ADCY10: variants seen among roughly 807,000 people sequenced by gnomAD.
ADCY10 encodes the protein adenylate cyclase type 10.
Under a neutral mutation model 183.3 loss-of-function variants are expected in ADCY10, and 156 were observed. That is an observed-to-expected ratio of 0.85 (90% CI 0.75 to 0.97). The LOEUF is 0.97. ADCY10 is among the 50% of genes least tolerant of loss of function. The pLI, the probability that ADCY10 is intolerant of heterozygous loss-of-function variation, is 0.00. For synonymous variants in ADCY10, 645 were observed against 670.0 expected, an observed-to-expected ratio of 0.96 and a Z score of 0.58; for missense variants, 1,745 against 1,934.3, an observed-to-expected ratio of 0.90 and a Z score of 1.84.
intron 1 of ADCY10, among the ~76,000 whole-genome samples, chr1:167,913,468 C>T (rs2102509702): frequency 6.6e-6 from 1 of 152,332 alleles, no homozygotes; most frequent in South Asian, 2.1e-4. Flanking sequence ...CTTGCCTACT[C>T]TAGCCATGGT....
At chr1:167,815,964 T>G (rs1405406428) in intron 31 of ADCY10, among the ~76,000 whole-genome samples, 8 of 151,372 alleles carry the variant, frequency 5.3e-5, no homozygotes, top group Non-Finnish European at 1.5e-5. Flanking sequence ...CCTACAAAAC[T>G]GACAAGCTAA....
At chr1:167,815,806 C>T (rs889866773) in intron 31 of ADCY10, among the ~76,000 whole-genome samples, 6 of 151,970 alleles carry the variant, frequency 3.9e-5, no homozygotes, top group Non-Finnish European at 8.8e-5. Flanking sequence ...GCAATATAAG[C>T]AGAGAGATGG....
rs539465532 is a variant in ADCY10 at position 167,836,872 on chromosome 1, A to C, written c.3078-332T>G. On this transcript the variant is annotated intron_variant, in intron 22 of 32. Transcript: ENST00000367851. ...AATCCCGTCTCTACTAAAAATACAA[A>C]AAATTAGCCGGGTGTGGTGGCAGGC... is the stretch of plus-strand genomic sequence containing the variant. 2.9e-4 allele frequency among the ~76,000 whole-genome samples: 44 copies of C among 152,276 alleles called. No individual in the cohort carries two copies. In the South Asian group the frequency reaches 7.7e-3, roughly 27 times the overall value.
chr1:167,896,625 T>A lies in ADCY10; in HGVS notation c.709A>T (p.Met237Leu), dbSNP rs201531121. The A allele has an allele frequency of 1.9e-5, 30 of 1,613,666 alleles. No homozygotes were observed. The highest frequency in any genetic ancestry group is 1.5e-4 in the Admixed American group (9 of 60,018). Residue 237 changes from methionine to leucine, a missense_variant, in exon 7 of 33, where the codon ATG becomes TTG. Physicochemically the swap from Met to Leu is conservative, Grantham distance 15. Transcript: ENST00000367851. ...DEFFTKCTTF[M>L]HYYPSGEHKN... is the part of the protein sequence containing the mutation. ...TGCTCACCAGAAGGATAATAATGCA[T>A]GAAGGTCGTACACTTTGTGAAAAAT...
At chr1:167,823,641 G>T (rs559855790) in intron 28 of ADCY10, among the ~76,000 whole-genome samples, 1 of 152,224 alleles carries the variant, frequency 6.6e-6, no homozygotes, top group Admixed American at 6.5e-5. Context: ...AAAAGCAGTG[G>T]ATAGGATGAG....
At chr1:167,841,600 C>T (rs946872521) in intron 21 of ADCY10, among the ~76,000 whole-genome samples, 8 of 140,236 alleles carry the variant, frequency 5.7e-5, no homozygotes, top group East Asian at 4.2e-4. Flanking sequence ...CTCAAACTTT[C>T]GGGCTCAAGC....
rs1404978890 is a variant in ADCY10 at position 167,836,419 on chromosome 1, C to A, written c.3199G>T (p.Val1067Phe). ...SCQCEEILEIVILPLAHHFLA... is the reference protein window; with the variant it reads ...SCQCEEILEIFILPLAHHFLA... ...AAATGGTGGGCCAGAGGCAAGATGA[C>A]AATCTCTAGGATTTCTTCACACTGG... The change falls in exon 23 of 33, where the codon GTC (valine) becomes TTC (phenylalanine). Residue 1067 changes from valine (V) to phenylalanine (F), a missense_variant. Coordinates refer to ENST00000367851, the MANE Select transcript of ADCY10 (RefSeq NM_018417.6). The A allele has an allele frequency of 2.5e-6, 4 of 1,614,012 alleles. No individual in the cohort carries two copies. Among genetic ancestry groups the A allele is most frequent in the Non-Finnish European group, 3.4e-6 (4 of 1,179,994 alleles).
chr1:167,818,322 G>A, intron 30 of ADCY10, 55 bp from the exon 31 acceptor site: 3 of 1,517,750 alleles, frequency 2.0e-6, no homozygotes, highest in Non-Finnish European at 1.8e-6. Flanking sequence ...GGAATAGGCT[G>A]GCTTTCTGAA....
chr1:167,880,326 A>G (rs1051176459), intron 10 of ADCY10, 135 bp from the exon 11 acceptor site: 8 of 1,002,752 alleles, frequency 8.0e-6, no homozygotes, highest in Admixed American at 5.8e-5. Context: ...GAATTAGTTT[A>G]TGGCATTTCT....
At chr1:167,883,097 GTGCGATCTCGGCTCAC>G (rs1558229890) in intron 9 of ADCY10, among the ~76,000 whole-genome samples, 1 of 152,254 alleles carries the variant, frequency 6.6e-6, no homozygotes, top group Non-Finnish European at 1.5e-5. Flanking sequence ...GAGCGCAGTG[GTGCGATCTCGGCTCAC>G]TGCAACCTCC....
rs1663139189 is a variant in ADCY10 at position 167,824,580 on chromosome 1, G to A, written c.3956-8C>T. The stretch of plus-strand genomic sequence containing the variant: ...TCTGAAGGGCTCGGGAGCCTGGGAA[G>A]AAAACAATTCCAGTATATTGTGGGG... On this transcript the variant is annotated splice_polypyrimidine_tract_variant and splice_region_variant and intron_variant, in intron 27 of 32. Coordinates refer to ENST00000367851, the MANE Select transcript of ADCY10 (RefSeq NM_018417.6). 6.2e-7 allele frequency: 1 copy of A among 1,614,084 alleles called. No individual in the cohort carries two copies. The highest frequency in any genetic ancestry group is 8.5e-7 in the Non-Finnish European group (1 of 1,180,026).
intron 21 of ADCY10, among the ~76,000 whole-genome samples, chr1:167,843,100 A>T (rs1485528316): frequency 6.6e-6 from 1 of 152,220 alleles, no homozygotes; most frequent in Non-Finnish European, 1.5e-5. Context: ...GGAGGTGCTG[A>T]TGGAAGGGAT....
rs747122406 is a variant in ADCY10 at position 167,829,293 on chromosome 1, C to A, written c.3724G>T (p.Ala1242Ser). The change falls in exon 26 of 33, where the codon GCA becomes TCA. Residue 1242 changes from alanine (A) to serine (S), a missense_variant. Physicochemically the swap from Ala to Ser is moderately conservative, Grantham distance 99. Transcript: ENST00000367851. Reference protein sequence around the residue: ...HLAVMMQMNTALETQNCFQII... With the variant: ...HLAVMMQMNTSLETQNCFQII... ...TGGAAACAATTTTGAGTTTCCAGTG[C>A]AGTATTCATTTGCATCATAACTGCC... The A allele has an allele frequency of 6.2e-7, 1 of 1,614,088 alleles. No homozygotes were observed. Among genetic ancestry groups the A allele is most frequent in the Non-Finnish European group, 8.5e-7 (1 of 1,179,940 alleles).
rs755328364 is a variant in ADCY10, at chr1:167,846,237, T to C, written c.2464A>G (p.Met822Val). The C allele has an allele frequency of 4.3e-6, 7 of 1,614,200 alleles. No homozygotes were observed. The highest frequency in any genetic ancestry group is 2.2e-5 in the South Asian group (2 of 91,080). Residue 822 changes from methionine (M) to valine (V), a missense_variant, in exon 20 of 33, where the codon ATG becomes GTG. By Grantham distance (21) the Met-to-Val change is conservative. Transcript: ENST00000367851. The part of the protein sequence containing the change: ...KEISLIQLDS[M>V]RLSHQMLVRC... ...ACCAGCATTTGGTGGGAAAGTCTCATGCTATCCAGCTGGATCAGAGAGATT... is the reference window on the plus strand; with the variant it reads ...ACCAGCATTTGGTGGGAAAGTCTCACGCTATCCAGCTGGATCAGAGAGATT...
rs1665021540 is a variant in ADCY10 at position 167,846,266 on chromosome 1, G to A, written c.2438-3C>T. On this transcript the variant is annotated splice_polypyrimidine_tract_variant and splice_region_variant and intron_variant, in intron 19 of 32. Transcript: ENST00000367851. The stretch of plus-strand genomic sequence containing the variant: ...ATCCAGCTGGATCAGAGAGATTTCT[G>A]CAGGTAGAAGGCCACACAGTAGAAA... The A allele has an allele frequency of 1.9e-6, 3 of 1,614,138 alleles. No homozygotes were observed. The highest frequency in any genetic ancestry group is 2.5e-6 in the Non-Finnish European group (3 of 1,180,000).
intron 31 of ADCY10, among the ~76,000 whole-genome samples, chr1:167,813,270 T>C (rs1662328593): frequency 6.6e-6 from 1 of 151,960 alleles, no homozygotes; most frequent in Non-Finnish European, 1.5e-5. Context: ...ACTAATCACA[T>C]ACAAGACATC....
chr1:167,852,745 T>C (rs1183179370), intron 18 of ADCY10, among the ~76,000 whole-genome samples: 1 of 152,056 alleles, frequency 6.6e-6, no homozygotes, highest in African/African-American at 2.4e-5. Flanking sequence ...AATTGATCTT[T>C]CCTTAAAAAG....
At chr1:167,841,435 G>A (rs1031309722) in intron 21 of ADCY10, among the ~76,000 whole-genome samples, 2 of 149,012 alleles carry the variant, frequency 1.3e-5, no homozygotes, top group African/African-American at 2.5e-5. Flanking sequence ...ATGGCTCTGC[G>A]CTCCTCCTAC....
chr1:167,880,019 C>T (rs1319515752), intron 11 of ADCY10, 96 bp downstream of exon 11: 21 of 1,022,690 alleles, frequency 2.1e-5, no homozygotes, highest in Non-Finnish European at 2.9e-5. Context: ...GGGCAGGGCT[C>T]ATGTCTCACT....
Sources: allele counts gnomAD v4.1 joint callset (sites outside exome capture counted in the v4.1 genomes callset), GRCh38; gene constraint gnomAD v4.1.1; transcripts MANE v1.5; gene names NCBI Gene and HGNC (gene_info 2026-07-23, HGNC 2026-07-21).